The following GALNT17 variants were observed in gnomAD, a reference collection of about 807,000 sequenced individuals.
GALNT17 encodes UDP-GalNAc:polypeptide N-acetylgalactosaminyltransferase-like 3.
In GALNT17, 29 loss-of-function variants were observed where a neutral mutation model predicts 63.7. The observed-to-expected ratio is 0.46, with a 90% CI of 0.34 to 0.62. The LOEUF is 0.62. Among genes scored for constraint, GALNT17 ranks in the 20% least tolerant of loss-of-function variants. The pLI is 0.01. For missense variants in GALNT17, 603 were observed against 799.6 expected, an observed-to-expected ratio of 0.75 and a Z score of 2.97; for synonymous variants, 305 against 318.3, an observed-to-expected ratio of 0.96 and a Z score of 0.45.
At chr7:71,586,746 AATAG>A (rs1789723747) in intron 6 of GALNT17, among the ~76,000 whole-genome samples, 1 of 152,072 alleles carries the variant, frequency 6.6e-6, no homozygotes, top group Admixed American at 6.6e-5. Context: ...ATTGACACAT[AATAG>A]ATGTACATAT....
At position 71,478,118 on chromosome 7, in the gene GALNT17, C is replaced by G. The variant is rs117705344; in HGVS notation, c.962+57013C>G. Among the ~76,000 whole-genome samples the G allele has an allele frequency of 3.5e-4, 53 of 152,254 alleles. No individual in the cohort carries two copies. In the East Asian group the frequency reaches 8.7e-3, roughly 25 times the overall value. Reference sequence around the variant, plus strand: ...ACTGGAGTTTTAGATAAATCCGTAACTTATGTTTACGTCTCTTCTAAACAT... The same window carrying G: ...ACTGGAGTTTTAGATAAATCCGTAAGTTATGTTTACGTCTCTTCTAAACAT... On this transcript the variant is annotated intron_variant, in intron 5 of 10. Coordinates refer to ENST00000333538, the MANE Select transcript of GALNT17 (RefSeq NM_022479.3).
At chr7:71,463,603 ATAGT>A (rs1485795647) in intron 5 of GALNT17, among the ~76,000 whole-genome samples, 1 of 152,192 alleles carries the variant, frequency 6.6e-6, no homozygotes, top group Non-Finnish European at 1.5e-5. Context: ...TAGACTGAAT[ATAGT>A]TATAGTTATT....
At chr7:71,427,101 A>G (rs1786773407) in intron 5 of GALNT17, among the ~76,000 whole-genome samples, 2 of 138,696 alleles carry the variant, frequency 1.4e-5, no homozygotes, top group African/African-American at 5.4e-5. Flanking sequence ...TTTTTTTGAG[A>G]TGGAGTCTTG....
intron 6 of GALNT17, among the ~76,000 whole-genome samples, chr7:71,594,070 T>A (rs1454539468): frequency 6.6e-6 from 1 of 152,052 alleles, no homozygotes; most frequent in East Asian, 1.9e-4. Flanking sequence ...AAGTTCTCCT[T>A]TTTTTGCTCA....
chr7:71,221,485 G>C (rs563109860), intron 1 of GALNT17, among the ~76,000 whole-genome samples: 44 of 148,340 alleles, frequency 3.0e-4, no homozygotes, highest in Middle Eastern at 6.9e-3. Flanking sequence ...TCCCTCCGTA[G>C]CCAATTGGAA....
intron 5 of GALNT17, among the ~76,000 whole-genome samples, chr7:71,445,669 G>A (rs1041363958): frequency 1.3e-5 from 2 of 152,152 alleles, no homozygotes; most frequent in African/African-American, 2.4e-5. Flanking sequence ...TGCTGAAATC[G>A]ATTAAATTCT....
At chr7:71,150,516 CT>C (rs1039115599) in intron 1 of GALNT17, among the ~76,000 whole-genome samples, 253 of 141,322 alleles carry the variant, frequency 1.8e-3, no homozygotes, top group Admixed American at 1.9e-3. Flanking sequence ...TTTTCTTTTT[CT>C]TTTTTTTTTT....
rs551835555 is a variant in GALNT17, at chr7:71,638,263, C to T, written c.1081-27148C>T. On this transcript the variant is annotated intron_variant, in intron 6 of 10. Coordinates refer to ENST00000333538, the MANE Select transcript of GALNT17 (RefSeq NM_022479.3). ...GGTGGATCTTGGCCAGCTTCTTTAC[C>T]GCAACTGTTTTATCTGCAAGGTCTT... 2.9e-4 allele frequency among the ~76,000 whole-genome samples: 44 copies of T among 152,272 alleles called. No homozygotes were observed. In the Middle Eastern group the frequency reaches 0.01, roughly 35 times the overall value.
intron 5 of GALNT17, among the ~76,000 whole-genome samples, chr7:71,462,477 A>C (rs191956036): frequency 1.7e-4 from 26 of 152,234 alleles, no homozygotes; most frequent in South Asian, 1.2e-3. Context: ...TTAATTTAGA[A>C]AGTTTATTTT....
intron 6 of GALNT17, among the ~76,000 whole-genome samples, chr7:71,658,001 C>T (rs1055478542): frequency 6.6e-6 from 1 of 152,108 alleles, no homozygotes; most frequent in Non-Finnish European, 1.5e-5. Flanking sequence ...AATTCATGGG[C>T]TCAAGTGATC....
chr7:71,520,002 T>G (rs1188932324), intron 5 of GALNT17, among the ~76,000 whole-genome samples: 1 of 152,184 alleles, frequency 6.6e-6, no homozygotes, highest in Non-Finnish European at 1.5e-5. Flanking sequence ...ACCATTATAC[T>G]GATTACTTAC....
rs539564800 is a variant in GALNT17 at position 71,306,083 on chromosome 7, G to C, written c.239-29467G>C. 2.0e-5 allele frequency among the ~76,000 whole-genome samples: 3 copies of C among 152,244 alleles called. No homozygotes were observed. In the South Asian group the frequency reaches 6.2e-4, roughly 32 times the overall value. On this transcript the variant is annotated intron_variant, in intron 1 of 10. Transcript: ENST00000333538. Reference sequence around the variant, plus strand: ...AAAAATACTAAAATTAGGCGGGTGTGGTGGTGCGTGGCTGTAATCCCAGCT... The same window carrying C: ...AAAAATACTAAAATTAGGCGGGTGTCGTGGTGCGTGGCTGTAATCCCAGCT...
At chr7:71,416,472 C>T (rs958976098) in intron 4 of GALNT17, among the ~76,000 whole-genome samples, 1 of 152,014 alleles carries the variant, frequency 6.6e-6, no homozygotes, top group African/African-American at 2.4e-5. Context: ...ATTAACCTGG[C>T]ATGGTGGAGC....
chr7:71,137,911 A>G (rs1253346358), intron 1 of GALNT17, among the ~76,000 whole-genome samples: 1 of 152,208 alleles, frequency 6.6e-6, no homozygotes, highest in Non-Finnish European at 1.5e-5. Context: ...GACTCCCCCA[A>G]AACTTAACTG....
chr7:71,175,675 A>G (rs1410494390), intron 1 of GALNT17, among the ~76,000 whole-genome samples: 1 of 152,148 alleles, frequency 6.6e-6, no homozygotes, highest in Non-Finnish European at 1.5e-5. Context: ...GGGCTCAGAG[A>G]TATTTGTGGG....
intron 6 of GALNT17, among the ~76,000 whole-genome samples, chr7:71,647,014 G>A (rs538979801): frequency 6.9e-4 from 104 of 151,578 alleles, no homozygotes; most frequent in African/African-American, 2.4e-3. Context: ...CGAAAGTGCT[G>A]GGATTACAGG....
At chr7:71,516,712 C>CA (rs1277605296) in intron 5 of GALNT17, among the ~76,000 whole-genome samples, 1 of 152,158 alleles carries the variant, frequency 6.6e-6, no homozygotes, top group African/African-American at 2.4e-5. Flanking sequence ...TCTTCCAGAG[C>CA]AGCTCTGCCT....
chr7:71,181,950 C>T (rs1434634037), intron 1 of GALNT17, among the ~76,000 whole-genome samples: 10 of 151,740 alleles, frequency 6.6e-5, no homozygotes, highest in African/African-American at 1.7e-4. Flanking sequence ...CCAAGGCGGG[C>T]GGATCACCGG....
At chr7:71,660,745 C>CT (rs937222285) in intron 6 of GALNT17, among the ~76,000 whole-genome samples, 4 of 152,214 alleles carry the variant, frequency 2.6e-5, no homozygotes, top group African/African-American at 9.6e-5. Flanking sequence ...TGGTTTATTG[C>CT]TAAGGCTCAA....
Sources: allele counts gnomAD v4.1 joint callset (sites outside exome capture counted in the v4.1 genomes callset), GRCh38; gene constraint gnomAD v4.1.1; transcripts MANE v1.5; gene names NCBI Gene and HGNC (gene_info 2026-07-23, HGNC 2026-07-21).